Variants in SHISA7 observed in about 807,000 individuals in gnomAD.
The protein encoded by SHISA7 is protein shisa-7.
Under a neutral mutation model 23.9 loss-of-function variants are expected in SHISA7, and 6 were observed. The ratio of observed to expected loss-of-function variants is 0.25; its 90% CI spans 0.14 to 0.50. SHISA7 has a LOEUF of 0.50. Among genes scored for constraint, SHISA7 ranks in the 20% least tolerant of loss-of-function variants. The pLI, the probability that SHISA7 is intolerant of heterozygous loss-of-function variation, is 0.98. For synonymous variants in SHISA7, 386 were observed against 398.3 expected, an observed-to-expected ratio of 0.97 and a Z score of 0.37; for missense variants, 671 against 801.1, an observed-to-expected ratio of 0.84 and a Z score of 1.96.
chr19:55,441,299 C>G (rs999890216), intron 1 of SHISA7, among the ~76,000 whole-genome samples: 9 of 152,170 alleles, frequency 5.9e-5, no homozygotes, highest in Non-Finnish European at 1.2e-4. Context: ...ACCCTAGCCC[C>G]GTACACTCCA....
chr19:55,433,275 T>TGCCCCC lies in SHISA7; in HGVS notation c.1492_1497dup (p.Gly498_Gly499dup). The TGCCCCC allele has an allele frequency of 1.3e-6, 2 of 1,512,144 alleles. No homozygotes were observed. Among genetic ancestry groups the TGCCCCC allele is most frequent in the Admixed American group, 2.0e-5 (1 of 49,242 alleles). The allele number at this position is 1,512,144 out of a possible 1,614,324, so 93.7% of individuals were successfully genotyped here. On this transcript the variant is annotated inframe_insertion, in exon 4 of 4. Coordinates refer to ENST00000376325, the MANE Select transcript of SHISA7 (RefSeq NM_001145176.2). This position sits in a 1 kb window ranked among gnomAD's most constrained non-coding sequence, Gnocchi z 8.4. ...TGGAAGGGCGGCCTGCGGGCCAGTG[T>TGCCCCC]GCCCCCGCCCCCGCCGGCGTCGGAC...
rs774230782 is a variant in SHISA7, at chr19:55,433,332, C to CGTG, written c.1438_1440dup (p.His480dup). 1 of 1,435,206 alleles carries CGTG rather than the reference C, an allele frequency of 7.0e-7. No homozygotes were observed. The highest frequency in any genetic ancestry group is 1.5e-5 in the African/African-American group (1 of 66,716). 88.9% of individuals were successfully genotyped at this position (1,435,206 alleles called of 1,614,324 possible). A position where few individuals can be genotyped will look rare whatever the true frequency, so the allele number is the denominator to read the frequency against. On this transcript the variant is annotated inframe_insertion, in exon 4 of 4. Coordinates refer to ENST00000376325, the MANE Select transcript of SHISA7 (RefSeq NM_001145176.2). The surrounding 1 kb of genome is among the most constrained non-coding windows in gnomAD (Gnocchi z 8.4). ...GCCGGCTGCGGCGAGCCGTGCAGGG[C>CGTG]GTGGTGGTGGTGGGCGTGCAGGCTG...
Position 55,441,448 on chromosome 19 carries a change from C to A in SHISA7, c.672-683G>T, listed in dbSNP as rs538624790. 3.9e-5 allele frequency among the ~76,000 whole-genome samples: 6 copies of A among 152,330 alleles called. No homozygotes were observed. In the East Asian group the frequency reaches 1.2e-3, roughly 29 times the overall value. ...CCTCACCTCCTGCTGCCCACCGCCG[C>A]CAGCTGCACGGGCGCTTCCCTGCCC... On this transcript the variant is annotated intron_variant, in intron 1 of 3. Coordinates refer to ENST00000376325, the MANE Select transcript of SHISA7 (RefSeq NM_001145176.2).
Position 55,433,360 on chromosome 19 carries a change from C to T in SHISA7, c.1413G>A (p.Pro471=), listed in dbSNP as rs1985259429. Residue 471 remains proline (P), a synonymous_variant, in exon 4 of 4, where the codon CCG becomes CCA. Coordinates refer to ENST00000376325, the MANE Select transcript of SHISA7 (RefSeq NM_001145176.2). The surrounding 1 kb of genome is among the most constrained non-coding windows in gnomAD (Gnocchi z 8.4). ...GGTGGTGGTGGGCGTGCAGGCTGGA[C>T]GGTGGCGGCAGCCCGCGCAGCGGTG... ...PPTPLRGLPP[P]SSLHAHHHHA... 2.9e-6 allele frequency: 4 copies of T among 1,355,976 alleles called. No homozygotes were observed. In the South Asian group the frequency reaches 5.5e-5, roughly 19 times the overall value. 84.0% of individuals were successfully genotyped at this position (1,355,976 alleles called of 1,614,324 possible). A position where few individuals can be genotyped will look rare whatever the true frequency, so the allele number is the denominator to read the frequency against.
intron 3 of SHISA7, among the ~76,000 whole-genome samples, chr19:55,435,107 GTGTGTGGTGTGTGTGGTGTGTGTGGTGTA>G (rs1985404177): frequency 5.9e-5 from 3 of 50,458 alleles, no homozygotes; most frequent in Admixed American, 2.3e-4. Flanking sequence ...TGTATGGTGT[GTGTGTGGTGTGTGTGGTGTGTGTGGTGTA>G]TGTGTATGGT....
At position 55,434,223 on chromosome 19, in the gene SHISA7, CA is replaced by C. The variant is rs1352952958; in HGVS notation, c.977-428del. Among the ~76,000 whole-genome samples, 191 of 152,128 alleles carry C rather than the reference CA, an allele frequency of 1.3e-3. 2 individuals carry two copies. Among genetic ancestry groups the C allele is most frequent in the Non-Finnish European group, 3.5e-4 (24 of 68,004 alleles). ...GAAAGTGTTTATGTAATAAGGGAAT[CA>C]GGGGTAAGTGTTGGTTCATAAAATT... On this transcript the variant is annotated intron_variant, in intron 3 of 3. Coordinates refer to ENST00000376325, the MANE Select transcript of SHISA7 (RefSeq NM_001145176.2).
intron 3 of SHISA7, among the ~76,000 whole-genome samples, chr19:55,435,251 TGTG>T (rs1447779312): frequency 2.3e-5 from 3 of 130,766 alleles, no homozygotes; most frequent in Admixed American, 7.8e-5. Flanking sequence ...TGTGCGTGTG[TGTG>T]GTGTGTATGT....
In SHISA7 at chr19:55,433,154, C is replaced by T. The variant is rs1431129213; in HGVS notation, c.*2G>A. 6.6e-7 allele frequency: 1 copy of T among 1,519,938 alleles called. No homozygotes were observed. The highest frequency in any genetic ancestry group is 2.0e-5 in the Admixed American group (1 of 50,032). 94.2% of individuals were successfully genotyped at this position (1,519,938 alleles called of 1,614,324 possible). A position where few individuals can be genotyped will look rare whatever the true frequency, so the allele number is the denominator to read the frequency against. On this transcript the variant is annotated 3_prime_UTR_variant, in exon 4 of 4. Transcript: ENST00000376325. This position sits in a 1 kb window ranked among gnomAD's most constrained non-coding sequence, Gnocchi z 8.4. ...CGCAGCCCCCCAGACCCGGCCCTGG[C>T]CTCAGACAGTCACCTCGTTCTTGCT...
chr19:55,429,784 G>C lies in SHISA7; in HGVS notation c.*3372C>G, dbSNP rs542773193. Reference sequence around the variant, plus strand: ...CCTGCCACCCCCGGAGGCTCCCCGGGTGTTAAGGTGTTAGGGAGGGAGGTG... The same window carrying C: ...CCTGCCACCCCCGGAGGCTCCCCGGCTGTTAAGGTGTTAGGGAGGGAGGTG... On this transcript the variant is annotated 3_prime_UTR_variant, in exon 4 of 4. Transcript: ENST00000376325. 6.6e-6 allele frequency: 1 copy of C among 151,394 alleles called. No individual in the cohort carries two copies. Among genetic ancestry groups the C allele is most frequent in the East Asian group, 2.0e-4 (1 of 4,958 alleles). The allele number at this position is 151,394 out of a possible 1,614,324, so 9.4% of individuals were successfully genotyped here. A position where few individuals can be genotyped will look rare whatever the true frequency, so the allele number is the denominator to read the frequency against.
intron 3 of SHISA7, among the ~76,000 whole-genome samples, chr19:55,435,181 T>TG: frequency 2.6e-5 from 1 of 38,368 alleles, no homozygotes; most frequent in South Asian, 9.0e-4. Flanking sequence ...GTGTGTGTGG[T>TG]TGTGTGGTGT....
At position 55,433,136 on chromosome 19, in the gene SHISA7, C is replaced by T. The variant is rs1436484779; in HGVS notation, c.*20G>A. The T allele has an allele frequency of 1.3e-6, 2 of 1,513,260 alleles. No individual in the cohort carries two copies. Among genetic ancestry groups the T allele is most frequent in the Non-Finnish European group, 1.8e-6 (2 of 1,136,202 alleles). 93.7% of individuals were successfully genotyped at this position (1,513,260 alleles called of 1,614,324 possible). A position where few individuals can be genotyped will look rare whatever the true frequency, so the allele number is the denominator to read the frequency against. On this transcript the variant is annotated 3_prime_UTR_variant, in exon 4 of 4. Transcript: ENST00000376325. This position sits in a 1 kb window ranked among gnomAD's most constrained non-coding sequence, Gnocchi z 8.4. ...ACGGGGGGCCCGGGAGGCCGCAGCC[C>T]CCCAGACCCGGCCCTGGCCTCAGAC... is the stretch of plus-strand genomic sequence containing the variant.
chr19:55,434,475 ATGGTGTGTGTG>A (rs550753349), intron 3 of SHISA7, among the ~76,000 whole-genome samples: 2,921 of 44,754 alleles, frequency 0.065, 38 homozygotes, highest in Middle Eastern at 0.1. Context: ...GTGTGTGTGT[ATGGTGTGTGTG>A]TGGTGTATAT....
chr19:55,433,069 C>A lies in SHISA7; in HGVS notation c.*87G>T. 7.1e-7 allele frequency: 1 copy of A among 1,409,262 alleles called. No individual in the cohort carries two copies. Among genetic ancestry groups the A allele is most frequent in the South Asian group, 1.5e-5 (1 of 67,202 alleles). 87.3% of individuals were successfully genotyped at this position (1,409,262 alleles called of 1,614,324 possible). On this transcript the variant is annotated 3_prime_UTR_variant, in exon 4 of 4. Coordinates refer to ENST00000376325, the MANE Select transcript of SHISA7 (RefSeq NM_001145176.2). The surrounding 1 kb of genome is among the most constrained non-coding windows in gnomAD (Gnocchi z 8.4). ...TCCAAGGGCCGATCTGGGCCCCAGG[C>A]CCCTGGCATGTGTGCGCCTGTGTCG...
Position 55,442,685 on chromosome 19 carries a change from C to G in SHISA7, c.179G>C (p.Gly60Ala), listed in dbSNP as rs772437772. Residue 60 changes from glycine (G) to alanine (A), a missense_variant, in exon 1 of 4, where the codon GGC becomes GCC. Physicochemically the swap from Gly to Ala is moderately conservative, Grantham distance 60 (BLOSUM62 0). Transcript: ENST00000376325. ...CCCGCCCGCGGGGCCGGTCCTGGTG[C>G]CGTTGGCGCCTGGGCTCGCCGCGCC... ...GGGAASPGANGTRTGPAGGAG... is the reference protein window; with the variant it reads ...GGGAASPGANATRTGPAGGAG... 226 of 1,085,330 alleles carry G rather than the reference C, an allele frequency of 2.1e-4. 2 individuals carry two copies. Among genetic ancestry groups the G allele is most frequent in the Admixed American group, 1.1e-4 (2 of 18,410 alleles). The allele number at this position is 1,085,330 out of a possible 1,614,324, so 67.2% of individuals were successfully genotyped here.
Position 55,437,705 on chromosome 19 carries a change from C to G in SHISA7, c.876G>C (p.Leu292=). ...GGTTGTGGAAGGACCGAGAGCAGGACAGCGTGGAGTAGTGCAAGGAGGGGC... is the reference window on the plus strand; with the variant it reads ...GGTTGTGGAAGGACCGAGAGCAGGAGAGCGTGGAGTAGTGCAAGGAGGGGC... The part of the protein sequence containing the change: ...PPSPSLHYST[L]SCSRSFHNLS... Residue 292 remains leucine (L), a synonymous_variant, in exon 3 of 4, where the codon CTG becomes CTC. Transcript: ENST00000376325. The G allele has an allele frequency of 6.4e-7, 1 of 1,551,422 alleles. No individual in the cohort carries two copies.
chr19:55,440,559 G>A (rs1985574477), intron 2 of SHISA7, 52 bp downstream of exon 2: 4 of 1,247,800 alleles, frequency 3.2e-6, no homozygotes, highest in Non-Finnish European at 4.1e-6. Flanking sequence ...GCTACATGAT[G>A]AAGGGGCGTG....
At chr19:55,437,034 C>T (rs951464764) in intron 3 of SHISA7, among the ~76,000 whole-genome samples, 6 of 152,294 alleles carry the variant, frequency 3.9e-5, no homozygotes, top group Middle Eastern at 3.4e-3. Context: ...ATGAGAGTCA[C>T]AGGAATGGGT....
chr19:55,438,877 C>G (rs74352171), intron 2 of SHISA7, among the ~76,000 whole-genome samples: 68 of 151,612 alleles, frequency 4.5e-4, no homozygotes, highest in Non-Finnish European at 7.2e-4. Context: ...AGCACCCCCC[C>G]CCCTGGTGCC....
chr19:55,435,408 T>TTGTGTG (rs201290225), intron 3 of SHISA7, among the ~76,000 whole-genome samples: 1 of 132,538 alleles, frequency 7.5e-6, no homozygotes, highest in Non-Finnish European at 1.6e-5. Flanking sequence ...TGGGTGTGTG[T>TTGTGTG]TGTGTGTGTG....
Sources: allele counts gnomAD v4.1 joint callset (sites outside exome capture counted in the v4.1 genomes callset), GRCh38; gene constraint gnomAD v4.1.1; non-coding constraint Gnocchi (gnomAD v3.1); transcripts MANE v1.5; gene names NCBI Gene and HGNC (gene_info 2026-07-23, HGNC 2026-07-21).